TLK2: variants seen among roughly 807,000 people sequenced by gnomAD.
TLK2 encodes the protein tousled like kinase 2, also known as serine/threonine-protein kinase tousled-like 2.
A neutral mutation model predicts 117.3 loss-of-function variants in TLK2; 6 were observed. The observed-to-expected ratio is 0.05, with a 90% confidence interval of 0.03 to 0.10. The LOEUF (loss-of-function observed/expected upper bound fraction) is 0.10, where lower values mean the gene tolerates loss of function less well. Among genes scored for constraint, TLK2 ranks in the 10% least tolerant of loss-of-function variants. TLK2 has a pLI of 1.00. For missense variants in TLK2, 299 were observed against 901.2 expected (o/e 0.33, Z 8.56); for synonymous variants, 257 against 316.7 (o/e 0.81, Z 2.00).
chr17:62,544,686 G>A (rs2077775733), intron 7 of TLK2, among the ~76,000 whole-genome samples: 1 of 152,186 alleles, frequency 6.6e-6, no homozygotes, highest in African/African-American at 2.4e-5. Context: ...TTGGCTGTTT[G>A]GGATCTGTTG....
chr17:62,490,774 T>C (rs1382470344), intron 2 of TLK2, among the ~76,000 whole-genome samples: 1 of 152,198 alleles, frequency 6.6e-6, no homozygotes, highest in Non-Finnish European at 1.5e-5. Context: ...ACTCCTGACC[T>C]CAGGTGATCC....
intron 16 of TLK2, 107 bp from the exon 17 acceptor site, chr17:62,596,478 A>C: frequency 1.2e-6 from 1 of 831,584 alleles, no homozygotes; most frequent in South Asian, 1.6e-5. Context: ...GAATGGAATT[A>C]ACATGTGGAG....
chr17:62,572,233 AAG>A (rs2080366393), intron 11 of TLK2, among the ~76,000 whole-genome samples: 1 of 152,102 alleles, frequency 6.6e-6, no homozygotes, highest in African/African-American at 2.4e-5. Context: ...GGTTCCACAA[AAG>A]AGAATGTGTG....
At chr17:62,573,884 G>A (rs1477409283) in intron 12 of TLK2, among the ~76,000 whole-genome samples, 1 of 152,108 alleles carries the variant, frequency 6.6e-6, no homozygotes, top group African/African-American at 2.4e-5. Flanking sequence ...CCTGTTCTGG[G>A]AATCTAAGGA....
upstream of TLK2, among the ~76,000 whole-genome samples, chr17:62,478,605 C>CGTCCGGCGA (rs2071201619): frequency 6.6e-6 from 1 of 150,772 alleles, no homozygotes; most frequent in Non-Finnish European, 1.5e-5. Flanking sequence ...CTTCCTCCGC[C>CGTCCGGCGA]GGCGCGGGGT....
At chr17:62,500,809 A>G (rs1222018432) in intron 2 of TLK2, among the ~76,000 whole-genome samples, 2 of 152,220 alleles carry the variant, frequency 1.3e-5, no homozygotes, top group Non-Finnish European at 2.9e-5. Flanking sequence ...ATATCTGGAA[A>G]ATCTCCGAAT....
At chr17:62,488,741 T>C (rs1276164193) in intron 2 of TLK2, among the ~76,000 whole-genome samples, 4 of 152,146 alleles carry the variant, frequency 2.6e-5, no homozygotes, top group Admixed American at 6.6e-5. Context: ...CCACAGAAAT[T>C]ACAACAGATA....
rs920773468 is a variant in TLK2, at chr17:62,614,974, A to G, written c.*2409A>G. The G allele has an allele frequency of 6.6e-6, 1 of 151,926 alleles. No individual in the cohort carries two copies. Among genetic ancestry groups the G allele is most frequent in the Non-Finnish European group, 1.5e-5 (1 of 67,984 alleles). The allele number at this position is 151,926 out of a possible 1,614,324, so 9.4% of individuals were successfully genotyped here. On this transcript the variant is annotated 3_prime_UTR_variant, in exon 22 of 22. Coordinates refer to ENST00000346027, the MANE Select transcript of TLK2 (RefSeq NM_006852.6). Reference sequence around the variant, plus strand: ...TTTGTTTGTTTTTTAATTTTTTAACATTTTTTTAACGTTGAAAAAATGCTG... The same window carrying G: ...TTTGTTTGTTTTTTAATTTTTTAACGTTTTTTTAACGTTGAAAAAATGCTG...
chr17:62,593,267 T>TC (rs1471733046), intron 16 of TLK2, among the ~76,000 whole-genome samples: 5 of 152,166 alleles, frequency 3.3e-5, no homozygotes, highest in Non-Finnish European at 7.4e-5. Context: ...TCTGGGTGAG[T>TC]CAGAGTCTAG....
chr17:62,492,731 T>A (rs1024151025), intron 2 of TLK2, among the ~76,000 whole-genome samples: 4 of 151,994 alleles, frequency 2.6e-5, no homozygotes, highest in African/African-American at 9.7e-5. Flanking sequence ...AATGCTGGGA[T>A]TACAGGCATG....
rs556902630 is a variant in TLK2 at position 62,559,490 on chromosome 17, G to A, written c.721-526G>A. ...GCCTTTGAGTTCAAGCGATTCTCCC[G>A]CCTCAGCCTCCCGAGTAGCTGGAAT... On this transcript the variant is annotated intron_variant, in intron 9 of 21. Coordinates refer to ENST00000346027, the MANE Select transcript of TLK2 (RefSeq NM_006852.6). 2.6e-4 allele frequency among the ~76,000 whole-genome samples: 39 copies of A among 151,272 alleles called. No homozygotes were observed. The East Asian group carries it at 6.5e-3, about 25-fold the overall frequency.
intron 9 of TLK2, among the ~76,000 whole-genome samples, chr17:62,554,887 A>AG (rs1337128467): frequency 6.6e-6 from 1 of 152,088 alleles, no homozygotes; most frequent in Non-Finnish European, 1.5e-5. Flanking sequence ...AAAAAAAAAA[A>AG]AAAATTATAC....
intron 11 of TLK2, among the ~76,000 whole-genome samples, chr17:62,567,073 C>G (rs191182287): frequency 6.6e-6 from 1 of 151,980 alleles, no homozygotes; most frequent in African/African-American, 2.4e-5. Context: ...ACAAAATATA[C>G]AAAAATTAGC....
intron 7 of TLK2, among the ~76,000 whole-genome samples, chr17:62,540,623 T>C (rs1286696384): frequency 1.3e-5 from 2 of 149,586 alleles, no homozygotes; most frequent in Non-Finnish European, 3.0e-5. Flanking sequence ...GGTCTTGAAC[T>C]CCTAACCTCA....
chr17:62,504,351 T>TA (rs944136639), intron 2 of TLK2, among the ~76,000 whole-genome samples: 4 of 152,192 alleles, frequency 2.6e-5, no homozygotes, highest in African/African-American at 9.7e-5. Flanking sequence ...CAAGAAGAGC[T>TA]AATAGAACTT....
intron 7 of TLK2, among the ~76,000 whole-genome samples, chr17:62,536,841 C>T (rs1193934635): frequency 6.6e-6 from 1 of 152,180 alleles, no homozygotes; most frequent in Non-Finnish European, 1.5e-5. Context: ...GTACACTTAA[C>T]CTTTCTCAGG....
At chr17:62,549,535 A>G (rs2078273400) in intron 7 of TLK2, among the ~76,000 whole-genome samples, 1 of 151,470 alleles carries the variant, frequency 6.6e-6, no homozygotes. Flanking sequence ...AGTGCATTAT[A>G]ATACTTGAGG....
At chr17:62,563,581 G>T (rs1001295257) in intron 10 of TLK2, among the ~76,000 whole-genome samples, 23 of 152,142 alleles carry the variant, frequency 1.5e-4, no homozygotes, top group African/African-American at 4.8e-4. Context: ...GGTTGAAATA[G>T]ACAGGACATC....
At chr17:62,485,852 ACT>A (rs1433522716) in intron 2 of TLK2, among the ~76,000 whole-genome samples, 5 of 126,718 alleles carry the variant, frequency 3.9e-5, no homozygotes, top group African/African-American at 1.5e-4. Flanking sequence ...ACGGAATCTC[ACT>A]CTGTCGCCCA....
Sources: gnomAD v4.1 joint callset for allele counts (sites outside exome capture counted in the v4.1 genomes callset) on GRCh38, gnomAD v4.1.1 for gene constraint, MANE v1.5 for transcripts, NCBI Gene and HGNC (gene_info 2026-07-23, HGNC 2026-07-21) for gene names.